ATP10D: variants seen among roughly 807,000 people sequenced by gnomAD.
The protein encoded by ATP10D is ATPase phospholipid transporting 10D (putative).
In ATP10D, 89 loss-of-function variants were observed where a neutral mutation model predicts 144.8. The ratio of observed to expected loss-of-function variants is 0.61; its 90% CI spans 0.52 to 0.73. The LOEUF (loss-of-function observed/expected upper bound fraction) is 0.73. ATP10D is among the 30% of genes least tolerant of loss of function. The pLI is 0.00. For missense variants in ATP10D, 1,603 were observed against 1,714.8 expected (o/e 0.93, Z 1.15); for synonymous variants, 571 against 615.1 (o/e 0.93, Z 1.06).
intron 9 of ATP10D, among the ~76,000 whole-genome samples, chr4:47,538,417 G>A (rs1717957087): frequency 6.6e-6 from 1 of 152,100 alleles, no homozygotes. Context: ...CAACCCTGAT[G>A]TTATATTATC....
At chr4:47,516,499 T>C (rs1045585897) in intron 3 of ATP10D, among the ~76,000 whole-genome samples, 1 of 152,228 alleles carries the variant, frequency 6.6e-6, no homozygotes, top group Non-Finnish European at 1.5e-5. Context: ...TGTAAGTTAA[T>C]ACTTAGTAAA....
chr4:47,571,896 G>A (rs990425986), intron 16 of ATP10D, among the ~76,000 whole-genome samples: 1 of 152,158 alleles, frequency 6.6e-6, no homozygotes, highest in Non-Finnish European at 1.5e-5. Context: ...AAAGTAGCAT[G>A]AATGACATGA....
intron 13 of ATP10D, among the ~76,000 whole-genome samples, chr4:47,559,721 G>T (rs150386825): frequency 5.9e-5 from 9 of 152,238 alleles, no homozygotes; most frequent in African/African-American, 2.2e-4. Flanking sequence ...GGAATCAAAA[G>T]TCTGATGGCT....
chr4:47,500,391 G>A (rs1217301660), intron 1 of ATP10D, among the ~76,000 whole-genome samples: 1 of 152,212 alleles, frequency 6.6e-6, no homozygotes, highest in Non-Finnish European at 1.5e-5. Context: ...GTTTTAAGTT[G>A]TGAAATTGTC....
At position 47,515,648 on chromosome 4, in the gene ATP10D, T is replaced by G; in HGVS notation, c.463T>G (p.Leu155Val). The change falls in exon 3 of 23, where the codon TTA becomes GTA. Residue 155 changes from leucine to valine, a missense_variant. Coordinates refer to ENST00000273859, the MANE Select transcript of ATP10D (RefSeq NM_020453.4). ...CAAAATTGACAAACAGATCAATAAT[T>G]TAATAACTAAAGTTTATAGTAGGTA... Reference protein sequence around the residue: ...KYKIDKQINNLITKVYSRKEK... With the variant: ...KYKIDKQINNVITKVYSRKEK... The G allele has an allele frequency of 6.2e-7, 1 of 1,606,764 alleles. No homozygotes were observed. Among genetic ancestry groups the G allele is most frequent in the Non-Finnish European group, 8.5e-7 (1 of 1,173,480 alleles).
chr4:47,584,589 G>T (rs540345302), intron 21 of ATP10D, among the ~76,000 whole-genome samples: 5 of 152,108 alleles, frequency 3.3e-5, no homozygotes, highest in African/African-American at 9.6e-5. Context: ...GTAGAGACAG[G>T]GTTTCACCAT....
chr4:47,564,499 A>G (rs1560448205), intron 15 of ATP10D, among the ~76,000 whole-genome samples: 1 of 152,198 alleles, frequency 6.6e-6, no homozygotes, highest in Non-Finnish European at 1.5e-5. Context: ...AAATTATTAA[A>G]TATTTTATGG....
intron 13 of ATP10D, 40 bp from the exon 14 acceptor site, chr4:47,560,909 T>C: frequency 1.2e-6 from 2 of 1,612,492 alleles, no homozygotes; most frequent in Non-Finnish European, 1.7e-6. Context: ...CACAAGATCA[T>C]ATGGCTTGCT....
In ATP10D at chr4:47,491,468, G is replaced by C. The variant is rs972258415; in HGVS notation, c.-38+5949G>C. 1.2e-5 allele frequency: 8 copies of C among 687,854 alleles called. No homozygotes were observed. In the African/African-American group the frequency reaches 1.2e-4, roughly 11 times the overall value. 42.6% of individuals were successfully genotyped at this position (687,854 alleles called of 1,614,324 possible). ...TTCCCTTTGTGTTTGTCATTTTGGC[G>C]AATTACTGGAAGATGGTGGTTCTGG... On this transcript the variant is annotated intron_variant, in intron 1 of 22. Transcript: ENST00000273859.
rs1481542324 is a variant in ATP10D at position 47,572,192 on chromosome 4, G to A, written c.3202G>A (p.Asp1068Asn). 3 of 1,614,104 alleles carry A rather than the reference G, an allele frequency of 1.9e-6. No homozygotes were observed. Among genetic ancestry groups the A allele is most frequent in the Middle Eastern group, 1.6e-4 (1 of 6,062 alleles). ...ANDVSMIQVA[D>N]IGIGVSGQEG... is the part of the protein sequence containing the mutation. ...TGATGTTAGCATGATACAAGTGGCA[G>A]ACATTGGGATAGGGGTCTCAGGTCA... The change falls in exon 17 of 23, where the codon GAC becomes AAC. Residue 1068 changes from aspartate (D) to asparagine (N), a missense_variant. Transcript: ENST00000273859.
At chr4:47,517,166 C>T (rs1047103012) in intron 3 of ATP10D, among the ~76,000 whole-genome samples, 2 of 152,108 alleles carry the variant, frequency 1.3e-5, no homozygotes, top group African/African-American at 4.8e-5. Context: ...GTAATCCCAC[C>T]ACTTTGGGAG....
In ATP10D at chr4:47,512,788, T is replaced by G. The variant is rs752261830; in HGVS notation, c.248T>G (p.Leu83Arg). Residue 83 changes from leucine to arginine, a missense_variant, in exon 2 of 23, where the codon CTT becomes CGT. By Grantham distance (102) the Leu-to-Arg change is moderately radical (BLOSUM62 -2). Transcript: ENST00000273859. ...CGAATACGAACAACAAAGTACACAC[T>G]TCTGAATTTTGTGCCAAGAAATTTA... is the stretch of plus-strand genomic sequence containing the variant. ...NNRIRTTKYT[L>R]LNFVPRNLFE... The G allele has an allele frequency of 6.2e-6, 10 of 1,604,230 alleles. No individual in the cohort carries two copies. The highest frequency in any genetic ancestry group is 8.5e-6 in the Non-Finnish European group (10 of 1,172,044).
intron 9 of ATP10D, among the ~76,000 whole-genome samples, chr4:47,542,879 T>A (rs1172360664): frequency 6.6e-6 from 1 of 152,186 alleles, no homozygotes; most frequent in Non-Finnish European, 1.5e-5. Context: ...AAGTTTTCCC[T>A]ACAGTAATAG....
At chr4:47,560,577 A>G (rs985077289) in intron 13 of ATP10D, among the ~76,000 whole-genome samples, 2 of 152,374 alleles carry the variant, frequency 1.3e-5, no homozygotes, top group African/African-American at 4.8e-5. Flanking sequence ...CGAACTAAAC[A>G]GTCCTGATAC....
At chr4:47,565,842 A>T (rs890504784) in intron 15 of ATP10D, among the ~76,000 whole-genome samples, 7 of 152,228 alleles carry the variant, frequency 4.6e-5, no homozygotes, top group African/African-American at 1.7e-4. Context: ...ATTTAAAACT[A>T]TCGATTCAAG....
chr4:47,491,804 C>T (rs1007436302), intron 1 of ATP10D, among the ~76,000 whole-genome samples: 1 of 152,158 alleles, frequency 6.6e-6, no homozygotes, highest in African/African-American at 2.4e-5. Flanking sequence ...TTCTGGGAAG[C>T]CTTTCCTCTT....
At chr4:47,565,290 A>G (rs1468186706) in intron 15 of ATP10D, among the ~76,000 whole-genome samples, 3 of 152,150 alleles carry the variant, frequency 2.0e-5, no homozygotes, top group African/African-American at 7.2e-5. Context: ...TCAGACCTCA[A>G]CCAGCACTCA....
chr4:47,558,259 C>T lies in ATP10D; in HGVS notation c.2420C>T (p.Ser807Leu), dbSNP rs145762869. The T allele has an allele frequency of 5.3e-5, 85 of 1,611,802 alleles. No individual in the cohort carries two copies. The highest frequency in any genetic ancestry group is 9.3e-5 in the African/African-American group (7 of 74,882). ...GADSVIMELLSVASPDGASLE... is the reference protein window; with the variant it reads ...GADSVIMELLLVASPDGASLE... ...GATTCTGTGATCATGGAGTTACTGT[C>T]GGTGGCTTCCCCAGGTAAGTTTATA... is the stretch of plus-strand genomic sequence containing the variant. The change falls in exon 12 of 23, where the codon TCG (serine) becomes TTG (leucine). Residue 807 changes from serine (S) to leucine (L), a missense_variant. Coordinates refer to ENST00000273859, the MANE Select transcript of ATP10D (RefSeq NM_020453.4).
At chr4:47,493,399 T>C (rs900171628) in intron 1 of ATP10D, among the ~76,000 whole-genome samples, 4 of 152,246 alleles carry the variant, frequency 2.6e-5, no homozygotes, top group Admixed American at 1.3e-4. Flanking sequence ...ATTCTGTCTT[T>C]CGCTTCCAGT....
Sources: gnomAD v4.1 joint callset for allele counts (sites outside exome capture counted in the v4.1 genomes callset) on GRCh38, gnomAD v4.1.1 for gene constraint, MANE v1.5 for transcripts, NCBI Gene and HGNC (gene_info 2026-07-23, HGNC 2026-07-21) for gene names.